CCDC175: variants seen among roughly 807,000 people sequenced by gnomAD.
The protein encoded by CCDC175 is coiled-coil domain containing 175, also known as coiled-coil domain-containing protein 175.
A neutral mutation model predicts 114.6 loss-of-function variants in CCDC175; 100 were observed. That is an observed-to-expected ratio of 0.87 (90% CI 0.74 to 1.03). CCDC175 has a LOEUF of 1.03. Among genes scored for constraint, CCDC175 ranks in the 50% least tolerant of loss-of-function variants. CCDC175 has a pLI of 0.00. For synonymous variants in CCDC175, 306 were observed against 308.7 expected (o/e 0.99, Z 0.09); for missense variants, 880 against 917.8 (o/e 0.96, Z 0.53).
intron 13 of CCDC175, among the ~76,000 whole-genome samples, chr14:59,532,340 T>A (rs573118991): frequency 1.3e-5 from 2 of 152,270 alleles, no homozygotes; most frequent in Admixed American, 1.3e-4. Flanking sequence ...AATGTTAAAA[T>A]AAATGAGTAA....
In CCDC175 at chr14:59,519,572, C is replaced by T. The variant is rs561868447; in HGVS notation, c.2098+2002G>A. Among the ~76,000 whole-genome samples the T allele has an allele frequency of 3.1e-4, 47 of 152,128 alleles. No individual in the cohort carries two copies. The South Asian group carries it at 9.6e-3, about 31-fold the overall frequency. On this transcript the variant is annotated intron_variant, in intron 17 of 19. Coordinates refer to ENST00000537690, the MANE Select transcript of CCDC175 (RefSeq NM_001164399.2). The stretch of plus-strand genomic sequence containing the variant: ...AGAAAAAGGACTCATTTCCAGAAAA[C>T]GTAAAGATTTTAACTGGATAATAGG...
chr14:59,518,324 A>G (rs1264346549), intron 17 of CCDC175, among the ~76,000 whole-genome samples: 1 of 152,252 alleles, frequency 6.6e-6, no homozygotes, highest in Non-Finnish European at 1.5e-5. Flanking sequence ...GACAAATGGG[A>G]TCTAATGAAA....
At chr14:59,553,575 G>T (rs926689712) in intron 7 of CCDC175, among the ~76,000 whole-genome samples, 1 of 152,150 alleles carries the variant, frequency 6.6e-6, no homozygotes, top group African/African-American at 2.4e-5. Flanking sequence ...AAAATAACCA[G>T]CTAACATCAT....
intron 11 of CCDC175, 113 bp from the exon 12 acceptor site, chr14:59,538,953 CTATTAG>C: frequency 1.1e-6 from 1 of 951,716 alleles, no homozygotes; most frequent in Non-Finnish European, 1.5e-6. Flanking sequence ...ATTGTTTGTG[CTATTAG>C]TGTTGCAGAC....
chr14:59,527,618 TTTC>T (rs749718511), intron 14 of CCDC175, among the ~76,000 whole-genome samples: 1 of 152,132 alleles, frequency 6.6e-6, no homozygotes, highest in Non-Finnish European at 1.5e-5. Flanking sequence ...ATGATTAGAT[TTTC>T]TTTTTAGTAT....
intron 1 of CCDC175, among the ~76,000 whole-genome samples, chr14:59,575,469 C>G (rs1897056642): frequency 2.2e-5 from 3 of 134,978 alleles, no homozygotes; most frequent in African/African-American, 8.4e-5. Flanking sequence ...TAATTTAGGT[C>G]TTAATAACTT....
rs764967229 is a variant in CCDC175, at chr14:59,511,746, C to T, written c.2142+14G>A. 7.2e-6 allele frequency: 11 copies of T among 1,533,406 alleles called. No individual in the cohort carries two copies. In the South Asian group the frequency reaches 1.3e-4, roughly 18 times the overall value. The allele number at this position is 1,533,406 out of a possible 1,614,324, so 95.0% of individuals were successfully genotyped here. On this transcript the variant is annotated intron_variant, in intron 18 of 19. Coordinates refer to ENST00000537690, the MANE Select transcript of CCDC175 (RefSeq NM_001164399.2). The stretch of plus-strand genomic sequence containing the variant: ...GATATTTATATGGAGGCAACAGACA[C>T]ACGCAAAACTCACCTTAACTGTGGT...
intron 7 of CCDC175, among the ~76,000 whole-genome samples, chr14:59,558,467 C>T (rs184576153): frequency 6.6e-6 from 1 of 152,220 alleles, no homozygotes; most frequent in East Asian, 1.9e-4. Flanking sequence ...ATATATTCAG[C>T]ATATATTTTG....
intron 13 of CCDC175, among the ~76,000 whole-genome samples, chr14:59,535,243 T>C (rs903145467): frequency 5.3e-5 from 8 of 152,128 alleles, no homozygotes; most frequent in African/African-American, 1.9e-4. Flanking sequence ...AGTCCTGCAG[T>C]GGGCACACAG....
At chr14:59,536,013 G>A (rs530338150) in intron 13 of CCDC175, among the ~76,000 whole-genome samples, 1 of 152,312 alleles carries the variant, frequency 6.6e-6, no homozygotes, top group South Asian at 2.1e-4. Flanking sequence ...TTGCTCCAGA[G>A]CTCCCCAGAG....
intron 4 of CCDC175, among the ~76,000 whole-genome samples, chr14:59,567,284 A>C (rs531298998): frequency 3.9e-5 from 6 of 152,220 alleles, no homozygotes; most frequent in Non-Finnish European, 7.3e-5. Flanking sequence ...TCTCAAACTT[A>C]TGTAATCATG....
rs140977921 is a variant in CCDC175 at position 59,515,103 on chromosome 14, G to C, written c.2099-3300C>G. ...TGAAGGAGAAATAAAATCCTTTATA[G>C]ACAAGCAAATGATGAGAGATTTTGT... is the stretch of plus-strand genomic sequence containing the variant. On this transcript the variant is annotated intron_variant, in intron 17 of 19. Coordinates refer to ENST00000537690, the MANE Select transcript of CCDC175 (RefSeq NM_001164399.2). Among the ~76,000 whole-genome samples the C allele has an allele frequency of 4.7e-4, 71 of 152,282 alleles. No individual in the cohort carries two copies. In the East Asian group the frequency reaches 8.7e-3, roughly 19 times the overall value.
chr14:59,574,995 T>C lies in CCDC175; in HGVS notation c.191A>G (p.Asn64Ser). Residue 64 changes from asparagine to serine, a missense_variant, in exon 2 of 20, where the codon AAT (asparagine) becomes AGT (serine). Physicochemically the swap from Asn to Ser is conservative, Grantham distance 46. Transcript: ENST00000537690. Reference protein sequence around the residue: ...QSLQSDYFKCNEEAKIFLKDI... With the variant: ...QSLQSDYFKCSEEAKIFLKDI... ...CTTAAGAAAGATCTTAGCTTCTTCA[T>C]TACATTTAAAATAGTCACTTTGCAG... is the stretch of plus-strand genomic sequence containing the variant. 6.6e-7 allele frequency: 1 copy of C among 1,518,990 alleles called. No individual in the cohort carries two copies. Among genetic ancestry groups the C allele is most frequent in the Non-Finnish European group, 8.8e-7 (1 of 1,134,942 alleles). 94.1% of individuals were successfully genotyped at this position (1,518,990 alleles called of 1,614,324 possible). A position where few individuals can be genotyped will look rare whatever the true frequency, so the allele number is the denominator to read the frequency against.
chr14:59,576,512 G>A, intron 1 of CCDC175, 107 bp downstream of exon 1: 1 of 1,113,740 alleles, frequency 9.0e-7, no homozygotes, highest in East Asian at 3.2e-5. Context: ...CCTGCCCAGT[G>A]ATGCCCTGGT....
intron 13 of CCDC175, 43 bp downstream of exon 13, chr14:59,537,980 T>C (rs996507304): frequency 7.2e-7 from 1 of 1,379,540 alleles, no homozygotes; most frequent in Non-Finnish European, 9.9e-7. Context: ...CTCCCCCTCA[T>C]GTAGTCATCC....
At chr14:59,507,859 G>A (rs1892514438) in intron 19 of CCDC175, among the ~76,000 whole-genome samples, 1 of 152,176 alleles carries the variant, frequency 6.6e-6, no homozygotes, top group Non-Finnish European at 1.5e-5. Flanking sequence ...ACACCTGTAG[G>A]GAGCTGAAGG....
intron 8 of CCDC175, among the ~76,000 whole-genome samples, chr14:59,545,859 C>T (rs1472236389): frequency 6.6e-6 from 1 of 152,054 alleles, no homozygotes; most frequent in East Asian, 1.9e-4. Context: ...ACTAAAATAG[C>T]TACATGAAAA....
intron 1 of CCDC175, among the ~76,000 whole-genome samples, chr14:59,575,473 A>C (rs1195778713): frequency 2.0e-5 from 3 of 148,426 alleles, no homozygotes; most frequent in Non-Finnish European, 1.5e-5. Flanking sequence ...TTAGGTCTTA[A>C]TAACTTTAGG....
At chr14:59,517,016 G>A (rs916053764) in intron 17 of CCDC175, among the ~76,000 whole-genome samples, 1 of 152,024 alleles carries the variant, frequency 6.6e-6, no homozygotes, top group Non-Finnish European at 1.5e-5. Flanking sequence ...TGGTTCAACA[G>A]ACACAAATCA....
Sources: gnomAD v4.1 joint callset for allele counts (sites outside exome capture counted in the v4.1 genomes callset) on GRCh38, gnomAD v4.1.1 for gene constraint, MANE v1.5 for transcripts, NCBI Gene and HGNC (gene_info 2026-07-23, HGNC 2026-07-21) for gene names.